The following PDE8A variants were observed in gnomAD, a reference collection of about 807,000 sequenced individuals.
The protein encoded by PDE8A is phosphodiesterase 8A.
A neutral mutation model predicts 105.0 loss-of-function variants in PDE8A; 59 were observed. That is an observed-to-expected ratio of 0.56 (90% CI 0.46 to 0.70). PDE8A has a LOEUF of 0.70. PDE8A is among the 30% of genes least tolerant of loss of function. The probability of loss-of-function intolerance (pLI) is 0.00; values close to 1 mark genes in which losing one functional copy is unlikely to be tolerated. For missense variants in PDE8A, 1,014 were observed against 1,045.9 expected (o/e 0.97, Z 0.42); for synonymous variants, 355 against 371.9 (o/e 0.95, Z 0.52).
At chr15:85,049,918 T>C (rs2080945606) in intron 1 of PDE8A, among the ~76,000 whole-genome samples, 1 of 152,124 alleles carries the variant, frequency 6.6e-6, no homozygotes. Flanking sequence ...TTCTGTTTTC[T>C]GCAGCAGCTA....
In PDE8A at chr15:85,019,909, G is replaced by A. The variant is rs891527494; in HGVS notation, c.186+37561G>A. ...TGTGTATGTTTCGAAAAGGCTCTTGGGTCTCTGGAGAACTTTGGGGGAGTT... is the reference window on the plus strand; with the variant it reads ...TGTGTATGTTTCGAAAAGGCTCTTGAGTCTCTGGAGAACTTTGGGGGAGTT... On this transcript the variant is annotated intron_variant, in intron 1 of 21. Coordinates refer to ENST00000394553, the MANE Select transcript of PDE8A (RefSeq NM_002605.3). Among the ~76,000 whole-genome samples, 10 of 150,328 alleles carry A rather than the reference G, an allele frequency of 6.7e-5. 1 individual carries two copies. The South Asian group carries it at 1.9e-3, about 29-fold the overall frequency.
intron 16 of PDE8A, chr15:85,116,354 A>G: frequency 3.9e-6 from 2 of 515,780 alleles, no homozygotes; most frequent in East Asian, 3.1e-5. Context: ...GACTTCTCCA[A>G]GTAGCACAGG....
At chr15:85,014,352 G>A (rs765466168) in intron 1 of PDE8A, among the ~76,000 whole-genome samples, 1 of 152,066 alleles carries the variant, frequency 6.6e-6, no homozygotes, top group South Asian at 2.1e-4. Flanking sequence ...TGATATGGCG[G>A]CAAATGGTGA....
intron 1 of PDE8A, among the ~76,000 whole-genome samples, chr15:85,006,794 G>C (rs1198103344): frequency 6.6e-6 from 1 of 151,948 alleles, no homozygotes; most frequent in Non-Finnish European, 1.5e-5. Context: ...CTACTGTATT[G>C]CGAGTGGGAG....
Position 85,118,863 on chromosome 15 carries a change from G to A in PDE8A, c.1734+1024G>A, listed in dbSNP as rs534931576. On this transcript the variant is annotated intron_variant, in intron 17 of 21. Transcript: ENST00000394553. ...GAGAGCAAAGCAGAAGATGACATCT[G>A]GCACACACAGGGAGTGAACAAGTGT... 4.6e-5 allele frequency among the ~76,000 whole-genome samples: 7 copies of A among 152,330 alleles called. No individual in the cohort carries two copies. The East Asian group carries it at 5.8e-4, about 13-fold the overall frequency.
chr15:85,125,890 A>T (rs1010286632), intron 19 of PDE8A, among the ~76,000 whole-genome samples: 1 of 152,120 alleles, frequency 6.6e-6, no homozygotes, highest in African/African-American at 2.4e-5. Flanking sequence ...AGTGGAACAG[A>T]AAAAAAGGCA....
intron 2 of PDE8A, among the ~76,000 whole-genome samples, chr15:85,066,390 A>G (rs2081225115): frequency 6.6e-6 from 1 of 151,770 alleles, no homozygotes; most frequent in Non-Finnish European, 1.5e-5. Context: ...GAGGGACCCC[A>G]TCTCTACTGA....
At chr15:85,123,002 G>A in intron 18 of PDE8A, 59 bp from the exon 19 acceptor site, 2 of 1,571,518 alleles carry the variant, frequency 1.3e-6, no homozygotes, top group Non-Finnish European at 1.7e-6. Context: ...GTTTTCAGGA[G>A]TACCTGTCTG....
chr15:85,082,050 G>A (rs1347021494), intron 5 of PDE8A, among the ~76,000 whole-genome samples: 1 of 152,134 alleles, frequency 6.6e-6, no homozygotes, highest in African/African-American at 2.4e-5. Context: ...GTCTCCTGGA[G>A]TGGCACAAGC....
At chr15:85,078,504 T>A (rs1322316923) in intron 5 of PDE8A, among the ~76,000 whole-genome samples, 1 of 142,248 alleles carries the variant, frequency 7.0e-6, no homozygotes, top group Non-Finnish European at 1.5e-5. Context: ...GAGCCGAGAT[T>A]GTGCCACTGC....
chr15:85,095,874 ATT>A (rs202150429), intron 8 of PDE8A, among the ~76,000 whole-genome samples: 4 of 99,592 alleles, frequency 4.0e-5, no homozygotes, highest in African/African-American at 2.8e-4. Context: ...ATATATATAT[ATT>A]TTTTTTATAT....
intron 14 of PDE8A, among the ~76,000 whole-genome samples, chr15:85,114,387 A>G (rs1488040615): frequency 6.6e-6 from 1 of 152,212 alleles, no homozygotes; most frequent in Non-Finnish European, 1.5e-5. Flanking sequence ...TGTAGAACAG[A>G]AAGATTGTCT....
At chr15:85,045,374 T>C (rs2080871322) in intron 1 of PDE8A, among the ~76,000 whole-genome samples, 1 of 152,314 alleles carries the variant, frequency 6.6e-6, no homozygotes, top group Non-Finnish European at 1.5e-5. Context: ...CCAGGTTATT[T>C]TAGACTTTTC....
intron 6 of PDE8A, among the ~76,000 whole-genome samples, chr15:85,085,433 C>T (rs926136238): frequency 3.3e-5 from 5 of 152,200 alleles, no homozygotes; most frequent in African/African-American, 4.8e-5. Flanking sequence ...GGCACGGTGG[C>T]TCATGCCTGT....
chr15:85,040,862 C>A (rs993792997), intron 1 of PDE8A, among the ~76,000 whole-genome samples: 1 of 152,042 alleles, frequency 6.6e-6, no homozygotes, highest in Non-Finnish European at 1.5e-5. Flanking sequence ...CCCGGCCTTG[C>A]TTATGTATTT....
At chr15:85,036,388 C>T (rs1218408059) in intron 1 of PDE8A, among the ~76,000 whole-genome samples, 2 of 152,144 alleles carry the variant, frequency 1.3e-5, no homozygotes, top group South Asian at 2.1e-4. Context: ...AGTAGTTGAC[C>T]GTGTTAGAGA....
chr15:85,136,772 C>A, intron 21 of PDE8A, 109 bp downstream of exon 21: 2 of 1,114,360 alleles, frequency 1.8e-6, no homozygotes, highest in Non-Finnish European at 2.5e-6. Context: ...CCTGGGCTTT[C>A]AAGAACAAGA....
At chr15:85,081,784 A>G (rs1382546622) in intron 5 of PDE8A, among the ~76,000 whole-genome samples, 2 of 152,196 alleles carry the variant, frequency 1.3e-5, no homozygotes. Context: ...GGCAAACAGG[A>G]GCAAGATGCT....
intron 1 of PDE8A, among the ~76,000 whole-genome samples, chr15:85,009,897 G>T (rs369694755): frequency 2.0e-5 from 3 of 152,242 alleles, no homozygotes; most frequent in East Asian, 1.9e-4. Context: ...TTCATCAGAA[G>T]AATAAGCTGT....
Sources: gnomAD v4.1 joint callset for allele counts (sites outside exome capture counted in the v4.1 genomes callset) on GRCh38, gnomAD v4.1.1 for gene constraint, MANE v1.5 for transcripts, NCBI Gene and HGNC (gene_info 2026-07-23, HGNC 2026-07-21) for gene names.